Variants in PIGR observed in about 807,000 individuals in gnomAD.
The protein encoded by PIGR is polymeric immunoglobulin receptor.
Under a neutral mutation model 69.5 loss-of-function variants are expected in PIGR, and 22 were observed. The ratio of observed to expected loss-of-function variants is 0.32; its 90% confidence interval spans 0.23 to 0.45. The LOEUF is 0.45. Ranked by LOEUF, PIGR falls within the 20% of genes least tolerant of loss-of-function variation. PIGR has a pLI of 1.00. For synonymous variants in PIGR, 413 were observed against 407.6 expected (o/e 1.01, Z -0.16); for missense variants, 885 against 974.0 (o/e 0.91, Z 1.22).
In PIGR at chr1:206,937,544, C is replaced by G. The variant is rs763723414; in HGVS notation, c.596G>C (p.Gly199Ala). 1 of 1,614,052 alleles carries G rather than the reference C, an allele frequency of 6.2e-7. No homozygotes were observed. The highest frequency in any genetic ancestry group is 1.7e-5 in the Admixed American group (1 of 60,006). The change falls in exon 4 of 11, where the codon GGC becomes GCC. Residue 199 changes from glycine (G) to alanine (A), a missense_variant. Physicochemically the swap from Gly to Ala is moderately conservative, Grantham distance 60. Coordinates refer to ENST00000356495, the MANE Select transcript of PIGR (RefSeq NM_002644.4). Reference protein sequence around the residue: ...GRIRLDIQGTGQLLFSVVINQ... With the variant: ...GRIRLDIQGTAQLLFSVVINQ... ...GATGACAACGCTGAACAGTAACTGG[C>G]CAGTACCCTGAATATCAAGGCGTAT... is the stretch of plus-strand genomic sequence containing the variant.
At chr1:206,931,365 G>A (rs553097404) in intron 10 of PIGR, 132 bp downstream of exon 10, 1 of 1,585,896 alleles carries the variant, frequency 6.3e-7, no homozygotes, top group East Asian at 2.2e-5. Context: ...GAGGACTCCT[G>A]AGGACTATTT....
intron 2 of PIGR, among the ~76,000 whole-genome samples, chr1:206,940,002 G>T (rs1679951261): frequency 6.6e-6 from 1 of 152,214 alleles, no homozygotes; most frequent in African/African-American, 2.4e-5. Flanking sequence ...TTACAGCTGT[G>T]AGCCAGCATC....
chr1:206,937,793 G>A (rs558103553), intron 3 of PIGR, 42 bp from the exon 4 acceptor site: 20 of 1,570,586 alleles, frequency 1.3e-5, no homozygotes, highest in South Asian at 6.9e-5. Context: ...GGCAAGTTAC[G>A]ATTCTACTTT....
intron 3 of PIGR, among the ~76,000 whole-genome samples, chr1:206,937,983 C>G (rs1679901133): frequency 6.6e-6 from 1 of 152,212 alleles, no homozygotes; most frequent in South Asian, 2.1e-4. Flanking sequence ...GATACATCTG[C>G]ATCACTTATT....
intron 2 of PIGR, 52 bp from the exon 3 acceptor site, chr1:206,939,515 G>T: frequency 7.6e-7 from 1 of 1,323,722 alleles, no homozygotes; most frequent in Non-Finnish European, 1.1e-6. Context: ...GGTAAAGCCT[G>T]TTCCAGATAA....
In PIGR at chr1:206,930,522, C is replaced by G; in HGVS notation, c.2200-109G>C. The stretch of plus-strand genomic sequence containing the variant: ...GAATTCGTGATCTTGGTCCAAGCAA[C>G]ACAAGCCTTTGGGGCCCACTGTTCT... On this transcript the variant is annotated intron_variant, in intron 10 of 10. Coordinates refer to ENST00000356495, the MANE Select transcript of PIGR (RefSeq NM_002644.4). This position sits in a 1 kb window ranked among gnomAD's most constrained non-coding sequence, Gnocchi z 4.3. 7.1e-7 allele frequency: 1 copy of G among 1,412,464 alleles called. No homozygotes were observed. Among genetic ancestry groups the G allele is most frequent in the South Asian group, 1.6e-5 (1 of 62,654 alleles). The allele number at this position is 1,412,464 out of a possible 1,614,324, so 87.5% of individuals were successfully genotyped here. A position where few individuals can be genotyped will look rare whatever the true frequency, so the allele number is the denominator to read the frequency against.
At chr1:206,939,773 C>G (rs544882924) in intron 2 of PIGR, among the ~76,000 whole-genome samples, 6 of 152,336 alleles carry the variant, frequency 3.9e-5, no homozygotes, top group Admixed American at 3.9e-4. Flanking sequence ...GTCGCCCAGG[C>G]TGGTGTGCAG....
intron 7 of PIGR, 117 bp from the exon 8 acceptor site, chr1:206,932,694 A>G: frequency 8.1e-7 from 1 of 1,229,076 alleles, no homozygotes; most frequent in East Asian, 2.6e-5. Context: ...CACCCTGCTG[A>G]TGCAGCTCCC....
chr1:206,938,296 C>T (rs1203712464), intron 3 of PIGR, among the ~76,000 whole-genome samples: 1 of 152,202 alleles, frequency 6.6e-6, no homozygotes, highest in Non-Finnish European at 1.5e-5. Context: ...CCGTCATCAG[C>T]ATGTTCTTCT....
Position 206,931,685 on chromosome 1 carries a change from A to G in PIGR, c.2126T>C (p.Leu709Pro). The change falls in exon 9 of 11, where the codon CTC becomes CCC. Residue 709 changes from leucine to proline, a missense_variant. By Grantham distance (98) the Leu-to-Pro change is moderately conservative. Coordinates refer to ENST00000356495, the MANE Select transcript of PIGR (RefSeq NM_002644.4). ...GASSITQETS[L>P]GGKEEFVATT... ...GAGGGTCATACCTTCTTTTCCTCCG[A>G]GGGATGTCTCCTGAGTGATCGAAGA... The G allele has an allele frequency of 6.2e-7, 1 of 1,613,980 alleles. No individual in the cohort carries two copies. Among genetic ancestry groups the G allele is most frequent in the South Asian group, 1.1e-5 (1 of 91,070 alleles).
intron 1 of PIGR, among the ~76,000 whole-genome samples, chr1:206,942,641 C>T (rs766634704): frequency 6.6e-6 from 1 of 152,252 alleles, no homozygotes; most frequent in Non-Finnish European, 1.5e-5. Flanking sequence ...TGCAGCCCTC[C>T]TCTGGACTTG....
Position 206,933,002 on chromosome 1 carries a change from A to G in PIGR, c.1870T>C (p.Ser624Pro). ...CTTCCTTACCTGCCGGAATCCACAG[A>G]TGCTCTGCTCCCATCGGCTTGATCT... is the stretch of plus-strand genomic sequence containing the variant. ...TRDQADGSRA[S>P]VDSGSSEEQG... The change falls in exon 7 of 11, where the codon TCT (serine) becomes CCT (proline). Residue 624 changes from serine to proline, a missense_variant. Physicochemically the swap from Ser to Pro is moderately conservative, Grantham distance 74 (BLOSUM62 -1). Coordinates refer to ENST00000356495, the MANE Select transcript of PIGR (RefSeq NM_002644.4). 6.2e-7 allele frequency: 1 copy of G among 1,614,084 alleles called. No homozygotes were observed. The highest frequency in any genetic ancestry group is 8.5e-7 in the Non-Finnish European group (1 of 1,180,018).
Position 206,935,838 on chromosome 1 carries a change from T to C in PIGR, c.1046-20A>G. 1.3e-6 allele frequency: 2 copies of C among 1,565,372 alleles called. No individual in the cohort carries two copies. Among genetic ancestry groups the C allele is most frequent in the South Asian group, 1.2e-5 (1 of 85,018 alleles). On this transcript the variant is annotated intron_variant, in intron 4 of 10. Coordinates refer to ENST00000356495, the MANE Select transcript of PIGR (RefSeq NM_002644.4). The surrounding 1 kb of genome is among the most constrained non-coding windows in gnomAD (Gnocchi z 4.4). ...TGGACTCTGGAAGCACAGACAGAGA[T>C]GGGATGGGAGGATGGCCACGCAGGA...
At position 206,935,512 on chromosome 1, in the gene PIGR, G is replaced by T. The variant is rs1679845552; in HGVS notation, c.1352C>A (p.Thr451Asn). 1 of 1,613,646 alleles carries T rather than the reference G, an allele frequency of 6.2e-7. No homozygotes were observed. Among genetic ancestry groups the T allele is most frequent in the Non-Finnish European group, 8.5e-7 (1 of 1,179,724 alleles). ...CLTNGDTLWRTTVEIKIIEGE... is the reference protein window; with the variant it reads ...CLTNGDTLWRNTVEIKIIEGE... ...TTCGATAATCTTGATCTCCACGGTG[G>T]TCCTCCAGAGAGTATCGCCGTTGGT... The change falls in exon 5 of 11, where the codon ACC becomes AAC. Residue 451 changes from threonine (T) to asparagine (N), a missense_variant. By Grantham distance (65) the Thr-to-Asn change is moderately conservative (BLOSUM62 0). Coordinates refer to ENST00000356495, the MANE Select transcript of PIGR (RefSeq NM_002644.4). This position sits in a 1 kb window ranked among gnomAD's most constrained non-coding sequence, Gnocchi z 4.4.
rs753052182 is a variant in PIGR, at chr1:206,935,507, C to A, written c.1357G>T (p.Val453Leu). The A allele has an allele frequency of 6.2e-7, 1 of 1,613,500 alleles. No homozygotes were observed. The highest frequency in any genetic ancestry group is 8.5e-7 in the Non-Finnish European group (1 of 1,179,554). The change falls in exon 5 of 11, where the codon GTG (valine) becomes TTG (leucine). Residue 453 changes from valine (V) to leucine (L), a missense_variant. Transcript: ENST00000356495. This position sits in a 1 kb window ranked among gnomAD's most constrained non-coding sequence, Gnocchi z 4.4. Reference sequence around the variant, plus strand: ...CTACCTTCGATAATCTTGATCTCCACGGTGGTCCTCCAGAGAGTATCGCCG... The same window carrying A: ...CTACCTTCGATAATCTTGATCTCCAAGGTGGTCCTCCAGAGAGTATCGCCG... ...TNGDTLWRTT[V>L]EIKIIEGEPN...
At position 206,935,830 on chromosome 1, in the gene PIGR, G is replaced by C. The variant is rs1679852588; in HGVS notation, c.1046-12C>G. Reference sequence around the variant, plus strand: ...GGGAATCGTGGACTCTGGAAGCACAGACAGAGATGGGATGGGAGGATGGCC... The same window carrying C: ...GGGAATCGTGGACTCTGGAAGCACACACAGAGATGGGATGGGAGGATGGCC... On this transcript the variant is annotated splice_polypyrimidine_tract_variant and intron_variant, in intron 4 of 10. Transcript: ENST00000356495. This position sits in a 1 kb window ranked among gnomAD's most constrained non-coding sequence, Gnocchi z 4.4. The C allele has an allele frequency of 6.3e-7, 1 of 1,575,574 alleles. No individual in the cohort carries two copies. The highest frequency in any genetic ancestry group is 8.7e-7 in the Non-Finnish European group (1 of 1,154,762).
chr1:206,938,535 G>A (rs547158997), intron 3 of PIGR, among the ~76,000 whole-genome samples: 1 of 152,116 alleles, frequency 6.6e-6, no homozygotes, highest in Non-Finnish European at 1.5e-5. Context: ...TTAAACCCTT[G>A]TCAGAAAGAG....
At chr1:206,933,264 G>A in intron 6 of PIGR, 98 bp from the exon 7 acceptor site, 1 of 1,270,660 alleles carries the variant, frequency 7.9e-7, no homozygotes. Flanking sequence ...GGAATCACAG[G>A]GTCAGGGTTC....
In PIGR at chr1:206,937,420, G is replaced by C. The variant is rs778546591; in HGVS notation, c.720C>G (p.Pro240=). 1 of 1,613,976 alleles carries C rather than the reference G, an allele frequency of 6.2e-7. No individual in the cohort carries two copies. Among genetic ancestry groups the C allele is most frequent in the African/African-American group, 1.3e-5 (1 of 74,918 alleles). The part of the protein sequence containing the change: ...KKNADLQVLK[P]EPELVYEDLR... ...GGTCTTCATAAACCAGCTCGGGCTCGGGCTTTAGCACTTGGAGGTCAGCAT... is the reference window on the plus strand; with the variant it reads ...GGTCTTCATAAACCAGCTCGGGCTCCGGCTTTAGCACTTGGAGGTCAGCAT... Residue 240 remains proline, a synonymous_variant, in exon 4 of 11, where the codon CCC becomes CCG. Coordinates refer to ENST00000356495, the MANE Select transcript of PIGR (RefSeq NM_002644.4).
Sources: allele counts gnomAD v4.1 joint callset (sites outside exome capture counted in the v4.1 genomes callset), GRCh38; gene constraint gnomAD v4.1.1; non-coding constraint Gnocchi (gnomAD v3.1); transcripts MANE v1.5; gene names NCBI Gene and HGNC (gene_info 2026-07-23, HGNC 2026-07-21).